GRIK2: variants seen among roughly 807,000 people sequenced by gnomAD.
GRIK2 encodes the protein glutamate ionotropic receptor kainate type subunit 2.
In GRIK2, 32 loss-of-function variants were observed where a neutral mutation model predicts 100.3. The observed-to-expected ratio is 0.32, with a 90% CI of 0.24 to 0.43. GRIK2 has a LOEUF of 0.43. Ranked by LOEUF, GRIK2 falls within the 20% of genes least tolerant of loss-of-function variation. GRIK2 has a pLI of 1.00. For missense variants in GRIK2, 843 were observed against 1,114.9 expected (o/e 0.76, Z 3.47); for synonymous variants, 417 against 389.4 (o/e 1.07, Z -0.83).
intron 2 of GRIK2, among the ~76,000 whole-genome samples, chr6:101,411,171 C>G (rs1263942394): frequency 6.6e-6 from 1 of 152,096 alleles, no homozygotes; most frequent in African/African-American, 2.4e-5. Context: ...AATGATTCAT[C>G]TTCAGCTTGT....
At chr6:101,418,297 A>T (rs1381187293) in intron 2 of GRIK2, among the ~76,000 whole-genome samples, 1 of 152,220 alleles carries the variant, frequency 6.6e-6, no homozygotes, top group African/African-American at 2.4e-5. Context: ...ACAGACATAC[A>T]GGAGTTCTTT....
intron 4 of GRIK2, among the ~76,000 whole-genome samples, chr6:101,671,645 C>T (rs1192256891): frequency 3.3e-5 from 5 of 152,046 alleles, no homozygotes; most frequent in Admixed American, 1.3e-4. Flanking sequence ...GCGGGTGGAT[C>T]GTGAGGTCAG....
At chr6:101,519,814 A>G (rs1023126128) in intron 2 of GRIK2, among the ~76,000 whole-genome samples, 1 of 152,210 alleles carries the variant, frequency 6.6e-6, no homozygotes, top group African/African-American at 2.4e-5. Flanking sequence ...AGTTAAACTG[A>G]GTATCTGCAC....
At chr6:101,781,990 G>T (rs917901054) in intron 7 of GRIK2, among the ~76,000 whole-genome samples, 1 of 152,094 alleles carries the variant, frequency 6.6e-6, no homozygotes, top group African/African-American at 2.4e-5. Flanking sequence ...CAGAAAGAGG[G>T]CTAGAGAGTT....
chr6:101,674,264 A>C (rs1055750957), intron 4 of GRIK2, among the ~76,000 whole-genome samples: 10 of 152,186 alleles, frequency 6.6e-5, no homozygotes, highest in African/African-American at 2.4e-4. Flanking sequence ...GATTGGTTAA[A>C]ATATGCATGC....
chr6:101,854,403 G>A (rs1055022436), intron 10 of GRIK2, among the ~76,000 whole-genome samples: 3 of 152,132 alleles, frequency 2.0e-5, no homozygotes, highest in East Asian at 3.9e-4. Flanking sequence ...GGGACTACAG[G>A]CACCTGCCAC....
At chr6:101,621,510 C>T (rs1407922275) in intron 2 of GRIK2, among the ~76,000 whole-genome samples, 4 of 152,118 alleles carry the variant, frequency 2.6e-5, no homozygotes, top group Non-Finnish European at 4.4e-5. Context: ...GAATTTAACA[C>T]ATTTTTTTCA....
At chr6:101,915,973 G>A (rs1387622570) in intron 12 of GRIK2, among the ~76,000 whole-genome samples, 1 of 151,236 alleles carries the variant, frequency 6.6e-6, no homozygotes, top group Non-Finnish European at 1.5e-5. Flanking sequence ...CTTGCTTTTA[G>A]TATTTCTTCA....
intron 11 of GRIK2, among the ~76,000 whole-genome samples, chr6:101,871,867 C>G (rs1343053249): frequency 2.0e-5 from 3 of 151,794 alleles, no homozygotes; most frequent in Non-Finnish European, 4.4e-5. Context: ...TTTGGTAGAA[C>G]AATTTATTTT....
At chr6:101,759,863 T>A (rs1412733984) in intron 7 of GRIK2, among the ~76,000 whole-genome samples, 4 of 143,618 alleles carry the variant, frequency 2.8e-5, no homozygotes, top group East Asian at 4.1e-4. Context: ...TTTTTTATTT[T>A]TTTATTTATT....
At chr6:101,469,991 A>T (rs577357919) in intron 2 of GRIK2, among the ~76,000 whole-genome samples, 17 of 152,234 alleles carry the variant, frequency 1.1e-4, no homozygotes, top group Non-Finnish European at 2.5e-4. Context: ...TTTGGCTTCT[A>T]CTACCTGGGA....
At chr6:101,688,906 G>A (rs1205797636) in intron 7 of GRIK2, among the ~76,000 whole-genome samples, 1 of 151,398 alleles carries the variant, frequency 6.6e-6, no homozygotes, top group Admixed American at 6.6e-5. Flanking sequence ...ATATAACATT[G>A]TACCAAAATT....
At chr6:101,766,659 T>C (rs958945087) in intron 7 of GRIK2, among the ~76,000 whole-genome samples, 3 of 152,160 alleles carry the variant, frequency 2.0e-5, no homozygotes, top group African/African-American at 4.8e-5. Flanking sequence ...TCCTCTGAAG[T>C]TGAGCTTCCT....
intron 7 of GRIK2, among the ~76,000 whole-genome samples, chr6:101,743,709 G>C (rs1279717307): frequency 6.6e-6 from 1 of 151,966 alleles, no homozygotes. Flanking sequence ...TATGTAGTAT[G>C]TCCTATCACT....
At chr6:101,764,786 A>G (rs1308572960) in intron 7 of GRIK2, among the ~76,000 whole-genome samples, 1 of 152,094 alleles carries the variant, frequency 6.6e-6, no homozygotes, top group Non-Finnish European at 1.5e-5. Context: ...CCCACTCAGG[A>G]AGTGCTCTTT....
intron 4 of GRIK2, among the ~76,000 whole-genome samples, chr6:101,635,386 A>G (rs1582867129): frequency 6.6e-6 from 1 of 152,054 alleles, no homozygotes; most frequent in Non-Finnish European, 1.5e-5. Context: ...ACGTAAGACC[A>G]AAAACCCTAA....
chr6:101,786,747 A>C (rs1243184197), intron 7 of GRIK2, among the ~76,000 whole-genome samples: 1 of 152,024 alleles, frequency 6.6e-6, no homozygotes, highest in Non-Finnish European at 1.5e-5. Context: ...TTGCCTGTGA[A>C]CATAGATACA....
chr6:101,775,368 C>G (rs745801027), intron 7 of GRIK2, among the ~76,000 whole-genome samples: 14 of 152,174 alleles, frequency 9.2e-5, no homozygotes, highest in Non-Finnish European at 1.9e-4. Context: ...ATCTCAGCAA[C>G]CACTATCACT....
chr6:101,402,022 C>G (rs1775337069), intron 2 of GRIK2, among the ~76,000 whole-genome samples: 1 of 152,120 alleles, frequency 6.6e-6, no homozygotes, highest in South Asian at 2.1e-4. Context: ...GCCCCCCTTC[C>G]CCGCTAGTTA....
Sources: allele counts gnomAD v4.1 joint callset (sites outside exome capture counted in the v4.1 genomes callset), GRCh38; gene constraint gnomAD v4.1.1; transcripts MANE v1.5; gene names NCBI Gene and HGNC (gene_info 2026-07-23, HGNC 2026-07-21).